Variants in FAM25G observed in about 807,000 individuals in gnomAD.
The protein encoded by FAM25G is family with sequence similarity 25 member G.
Under a neutral mutation model 6.4 loss-of-function variants are expected in FAM25G, and 3 were observed. The observed-to-expected ratio is 0.47, with a 90% CI of 0.21 to 1.21. The LOEUF (loss-of-function observed/expected upper bound fraction) is 1.21, where lower values mean the gene tolerates loss of function less well. Ranked by LOEUF, FAM25G falls within the 50% of genes most tolerant of loss-of-function variation. The pLI, the probability that FAM25G is intolerant of heterozygous loss-of-function variation, is 0.22. For missense variants in FAM25G, 34 were observed against 76.0 expected (o/e 0.45, Z 2.06); for synonymous variants, 15 against 31.3 (o/e 0.48, Z 1.74).
At chr10:47,489,824 A>G (rs2132453328) in intron 1 of FAM25G, among the ~76,000 whole-genome samples, 176 bp from the exon 2 acceptor site, 1 of 131,968 alleles carries the variant, frequency 7.6e-6, no homozygotes, top group South Asian at 2.9e-4. Flanking sequence ...TCCTCACAAC[A>G]GACCTATACA....
chr10:47,489,870 C>T (rs1169840159), intron 1 of FAM25G, among the ~76,000 whole-genome samples: 2 of 146,118 alleles, frequency 1.4e-5, no homozygotes, highest in Non-Finnish European at 3.0e-5. Context: ...TGGGGTGCCA[C>T]CCCCAGCCAG....
intron 1 of FAM25G, among the ~76,000 whole-genome samples, chr10:47,490,094 C>G (rs1347335710): frequency 1.3e-5 from 2 of 150,616 alleles, no homozygotes; most frequent in Non-Finnish European, 2.9e-5. Context: ...GGTCACACCC[C>G]TCTCAGGATG....
At chr10:47,489,018 A>AAATG (rs1840099198) in intron 2 of FAM25G, among the ~76,000 whole-genome samples, 2 of 119,510 alleles carry the variant, frequency 1.7e-5, no homozygotes, top group African/African-American at 6.7e-5. Context: ...CCCAGCAATT[A>AAATG]TTTTTTTCTT....
At chr10:47,489,910 C>T (rs1332273719) in intron 1 of FAM25G, among the ~76,000 whole-genome samples, 2 of 150,192 alleles carry the variant, frequency 1.3e-5, no homozygotes, top group African/African-American at 5.0e-5. Flanking sequence ...AGGACCTTCC[C>T]CCACAGCTGG....
At chr10:47,488,637 C>A (rs1840087339) in intron 2 of FAM25G, among the ~76,000 whole-genome samples, 11 of 145,230 alleles carry the variant, frequency 7.6e-5, no homozygotes, top group African/African-American at 2.5e-5. Flanking sequence ...ATGAGATATA[C>A]ACATGCTTTG....
At chr10:47,487,650 T>C (rs1303152000) in intron 2 of FAM25G, among the ~76,000 whole-genome samples, 2 of 145,114 alleles carry the variant, frequency 1.4e-5, no homozygotes, top group Non-Finnish European at 3.0e-5. Flanking sequence ...CTTATCCTTT[T>C]TTCTGGAAAA....
intron 1 of FAM25G, among the ~76,000 whole-genome samples, chr10:47,490,089 C>A (rs1283699186): frequency 2.0e-5 from 3 of 150,506 alleles, no homozygotes; most frequent in Non-Finnish European, 4.4e-5. Context: ...TGCCAGGTCA[C>A]ACCCCTCTCA....
Position 47,491,518 on chromosome 10 carries a change from C to T in FAM25G, c.73+84G>A, listed in dbSNP as rs1359024198. 64 of 913,982 alleles carry T rather than the reference C, an allele frequency of 7.0e-5. 1 individual carries two copies. The East Asian group carries it at 7.1e-4, about 10-fold the overall frequency. The allele number at this position is 913,982 out of a possible 1,614,324, so 56.6% of individuals were successfully genotyped here. A position where few individuals can be genotyped will look rare whatever the true frequency, so the allele number is the denominator to read the frequency against. Reference sequence around the variant, plus strand: ...GCCAAGGCCTCCCCGCAGGTCCTCGCCTGCCTACGTAGATCCGCCTCCCAC... The same window carrying T: ...GCCAAGGCCTCCCCGCAGGTCCTCGTCTGCCTACGTAGATCCGCCTCCCAC... On this transcript the variant is annotated intron_variant, in intron 1 of 2. Coordinates refer to ENST00000452267, the MANE Select transcript of FAM25G (RefSeq NM_001137549.2).
At chr10:47,489,873 C>T (rs1179552818) in intron 1 of FAM25G, among the ~76,000 whole-genome samples, 5 of 147,752 alleles carry the variant, frequency 3.4e-5, no homozygotes, top group African/African-American at 5.1e-5. Flanking sequence ...GGTGCCACCC[C>T]CAGCCAGGAC....
chr10:47,490,390 GACAA>G (rs1840128726), intron 1 of FAM25G: 1 of 144,290 alleles, frequency 6.9e-6, no homozygotes, highest in South Asian at 2.2e-4. Context: ...TCAAAGGAAT[GACAA>G]AGAGACAGTT....
chr10:47,487,330 G>C lies in FAM25G; in HGVS notation c.215C>G (p.Thr72Arg). The change falls in exon 3 of 3, where the codon ACA (threonine) becomes AGA (arginine). Residue 72 changes from threonine to arginine, a missense_variant. Transcript: ENST00000452267. Reference protein sequence around the residue: ...MKEITETVTNTVTNAITHAAE... With the variant: ...MKEITETVTNRVTNAITHAAE... Reference sequence around the variant, plus strand: ...TGCATGGGTGATGGCATTTGTGACTGTGTTGGTCACTGTCTCGGTGATTTC... The same window carrying C: ...TGCATGGGTGATGGCATTTGTGACTCTGTTGGTCACTGTCTCGGTGATTTC... The C allele has an allele frequency of 5.1e-6, 4 of 788,832 alleles. No homozygotes were observed. The highest frequency in any genetic ancestry group is 7.8e-6 in the Non-Finnish European group (4 of 513,594). 48.9% of individuals were successfully genotyped at this position (788,832 alleles called of 1,614,324 possible).
intron 2 of FAM25G, among the ~76,000 whole-genome samples, chr10:47,488,713 A>ATTTTTTTTTTTTT (rs1160121365): frequency 3.1e-4 from 19 of 62,120 alleles, no homozygotes; most frequent in Non-Finnish European, 4.9e-4. Flanking sequence ...TACATGTTAA[A>ATTTTTTTTTTTTT]TTTTTTTTTT....
chr10:47,488,913 G>C (rs1840095962), intron 2 of FAM25G, among the ~76,000 whole-genome samples: 1 of 145,764 alleles, frequency 6.9e-6, no homozygotes, highest in African/African-American at 2.5e-5. Flanking sequence ...ATTTTTAGTA[G>C]AGATGCGGTT....
intron 1 of FAM25G, chr10:47,490,438 A>C (rs1840130093): frequency 6.6e-6 from 1 of 151,622 alleles, no homozygotes; most frequent in African/African-American, 2.5e-5. Flanking sequence ...CGCTATCGCG[A>C]GTGTGGAGGC....
chr10:47,490,278 T>C (rs1364279757), intron 1 of FAM25G: 1 of 157,926 alleles, frequency 6.3e-6, no homozygotes, highest in African/African-American at 2.5e-5. Context: ...GTTCTTATTC[T>C]AACTCTACCT....
At chr10:47,488,083 C>T (rs1449538533) in intron 2 of FAM25G, among the ~76,000 whole-genome samples, 3 of 137,276 alleles carry the variant, frequency 2.2e-5, no homozygotes, top group Non-Finnish European at 4.7e-5. Flanking sequence ...CAGAGCTGGG[C>T]CCATCCATGA....
intron 2 of FAM25G, 100 bp from the exon 3 acceptor site, chr10:47,487,508 G>T: frequency 1.9e-6 from 1 of 520,128 alleles, no homozygotes; most frequent in Non-Finnish European, 3.3e-6. Context: ...TTAGTCTCTG[G>T]AGTGGCCCGA....
chr10:47,488,719 T>TTC (rs1840090332), intron 2 of FAM25G, among the ~76,000 whole-genome samples: 1 of 109,760 alleles, frequency 9.1e-6, no homozygotes, highest in African/African-American at 3.9e-5. Context: ...TTAAATTTTT[T>TTC]TTTTTTTTTT....
intron 2 of FAM25G, among the ~76,000 whole-genome samples, chr10:47,489,038 G>T: frequency 7.2e-6 from 1 of 139,178 alleles, no homozygotes; most frequent in Non-Finnish European, 1.5e-5. Flanking sequence ...TTTTTTTTGA[G>T]ACCGAGTCTT....
Sources: gnomAD v4.1 joint callset for allele counts (sites outside exome capture counted in the v4.1 genomes callset) on GRCh38, gnomAD v4.1.1 for gene constraint, MANE v1.5 for transcripts, NCBI Gene and HGNC (gene_info 2026-07-23, HGNC 2026-07-21) for gene names.